DCLRE1C: variants seen among roughly 807,000 people sequenced by gnomAD.
The protein encoded by DCLRE1C is DNA cross-link repair 1C, also known as protein artemis.
A neutral mutation model predicts 61.4 loss-of-function variants in DCLRE1C; 47 were observed. The observed-to-expected ratio is 0.77, with a 90% CI of 0.61 to 0.98. DCLRE1C has a LOEUF of 0.98. DCLRE1C is among the 50% of genes least tolerant of loss of function. The pLI is 0.00. For synonymous variants in DCLRE1C, 337 were observed against 287.6 expected, an observed-to-expected ratio of 1.17 and a Z score of -1.74; for missense variants, 858 against 816.0, an observed-to-expected ratio of 1.05 and a Z score of -0.63.
chr10:14,914,114 G>A (rs1304672398), intron 13 of DCLRE1C, among the ~76,000 whole-genome samples: 1 of 152,036 alleles, frequency 6.6e-6, no homozygotes, highest in Admixed American at 6.6e-5. Context: ...AAAATACCAG[G>A]TTGGCCATAA....
At chr10:14,904,145 A>G (rs1277172069), downstream of DCLRE1C, 2 of 151,922 alleles carry the variant, frequency 1.3e-5, no homozygotes, top group Non-Finnish European at 2.9e-5. Context: ...TCTCTACTGA[A>G]AATACAAAAA....
In DCLRE1C at chr10:14,926,858, G is replaced by T. The variant is rs778381279; in HGVS notation, c.957C>A (p.His319Gln). Residue 319 changes from histidine (H) to glutamine (Q), a missense_variant, in exon 11 of 14, where the codon CAC becomes CAA. Coordinates refer to ENST00000378278, the MANE Select transcript of DCLRE1C (RefSeq NM_001033855.3). ...ATCCTCTTACCTCACTGTAGGAGGA[G>T]TGAAAAGAAAAACAAGCTCTGTATG... ...ESSYRACFSF[H>Q]SSYSEIKDFL... 2.5e-6 allele frequency: 4 copies of T among 1,613,270 alleles called. No homozygotes were observed. In the African/African-American group the frequency reaches 5.3e-5, roughly 22 times the overall value.
chr10:14,952,104 T>C (rs1004266623), intron 1 of DCLRE1C, among the ~76,000 whole-genome samples: 5 of 152,220 alleles, frequency 3.3e-5, no homozygotes, highest in South Asian at 2.1e-4. Flanking sequence ...CACAAACTTA[T>C]GATGATTTCA....
chr10:14,939,929 T>C, intron 3 of DCLRE1C, 60 bp from the exon 4 acceptor site: 1 of 1,329,506 alleles, frequency 7.5e-7, no homozygotes, highest in Non-Finnish European at 1.1e-6. Flanking sequence ...TATATGCCTT[T>C]GCTGTCTGAA....
At chr10:14,937,958 A>G (rs1020532825) in intron 4 of DCLRE1C, among the ~76,000 whole-genome samples, 13 of 151,230 alleles carry the variant, frequency 8.6e-5, no homozygotes, top group Non-Finnish European at 1.8e-4. Context: ...TTCACACTGC[A>G]CATCATACTG....
chr10:14,922,849 A>C, intron 12 of DCLRE1C, 132 bp downstream of exon 12: 1 of 718,644 alleles, frequency 1.4e-6, no homozygotes, highest in Non-Finnish European at 2.5e-6. Flanking sequence ...AAAAATGGAA[A>C]TGAGTATCAG....
At chr10:14,929,027 A>G (rs35714681) in intron 9 of DCLRE1C, among the ~76,000 whole-genome samples, 26,605 of 152,042 alleles carry the variant, frequency 0.17, 2,396 homozygotes, top group Middle Eastern at 0.21. Flanking sequence ...AGATCTGCCC[A>G]CCTTGGCCTC....
At chr10:14,897,636 T>C (rs1833677146) in exon 14 of DCLRE1C, 2 of 905,328 alleles carry the variant, frequency 2.2e-6, no homozygotes, top group East Asian at 3.0e-5. Context: ...TTTGCAGATA[T>C]GTAGAAATTT....
chr10:14,934,809 A>G (rs2130944985), intron 6 of DCLRE1C, 34 bp from the exon 7 acceptor site: 1 of 1,495,666 alleles, frequency 6.7e-7, no homozygotes. Flanking sequence ...TAGCCATCCA[A>G]TGTGATATAA....
chr10:14,936,957 A>G (rs1434589425), intron 4 of DCLRE1C, among the ~76,000 whole-genome samples: 11 of 152,234 alleles, frequency 7.2e-5, no homozygotes, highest in South Asian at 2.1e-4. Flanking sequence ...TAGCCATACA[A>G]TGAAATATTA....
At chr10:14,934,305 G>C in intron 8 of DCLRE1C, 75 bp downstream of exon 8, 11 of 1,574,194 alleles carry the variant, frequency 7.0e-6, no homozygotes, top group Non-Finnish European at 9.4e-6. Context: ...TCCAGCCTGG[G>C]CAACATAGCA....
intron 13 of DCLRE1C, chr10:14,899,318 TAAA>T (rs373363202): frequency 6.5e-6 from 4 of 610,716 alleles, no homozygotes; most frequent in Admixed American, 2.5e-5. Context: ...AGACCCTGTT[TAAA>T]AAAAAAAGGT....
chr10:14,909,607 GAA>G (rs35882715), intron 13 of DCLRE1C, among the ~76,000 whole-genome samples: 17 of 117,858 alleles, frequency 1.4e-4, no homozygotes, highest in Admixed American at 3.4e-4. Context: ...TTCAAAAAAA[GAA>G]AAAAAAAAAA....
At chr10:14,902,299 A>G, downstream of DCLRE1C, 1 of 637,356 alleles carries the variant, frequency 1.6e-6, no homozygotes, top group Non-Finnish European at 2.6e-6. Flanking sequence ...TTGACCATGT[A>G]AGTACCCTCT....
At position 14,919,783 on chromosome 10, in the gene DCLRE1C, GT is replaced by G. The variant is rs1836797698; in HGVS notation, c.1110del (p.Lys370AsnfsTer6). 6.2e-7 allele frequency: 1 copy of G among 1,613,854 alleles called. No individual in the cohort carries two copies. The highest frequency in any genetic ancestry group is 1.3e-5 in the African/African-American group (1 of 74,886). ...RSSQSTEPKY[K>X]PLGKLKRART... Reference sequence around the variant, plus strand: ...CTAGCTCTCTTCAGTTTTCCCAGTGGTTTATACTTTGGCTCCGTACTTTGGG... The same window carrying G: ...CTAGCTCTCTTCAGTTTTCCCAGTGGTTATACTTTGGCTCCGTACTTTGGG... On this transcript the variant is annotated frameshift_variant, in exon 13 of 14. Transcript: ENST00000378278. LOFTEE classifies it low-confidence loss of function (END_TRUNC).
rs532550748 is a variant in DCLRE1C at position 14,945,487 on chromosome 10, G to A, written c.162-298C>T. The A allele has an allele frequency of 2.1e-5, 24 of 1,160,884 alleles. No homozygotes were observed. In the African/African-American group the frequency reaches 2.7e-4, roughly 13 times the overall value. 71.9% of individuals were successfully genotyped at this position (1,160,884 alleles called of 1,614,324 possible). ...GAGCACAAGGTGGGGGTGGAAACAC[G>A]GTGTCCCTGGACCTCCTCCAACAGT... On this transcript the variant is annotated intron_variant, in intron 2 of 13. Coordinates refer to ENST00000378278, the MANE Select transcript of DCLRE1C (RefSeq NM_001033855.3).
At position 14,908,511 on chromosome 10, in the gene DCLRE1C, G is replaced by C. The variant is rs770887781; in HGVS notation, c.1976C>G (p.Ala659Gly). The C allele has an allele frequency of 6.2e-7, 1 of 1,613,970 alleles. No individual in the cohort carries two copies. The highest frequency in any genetic ancestry group is 8.5e-7 in the Non-Finnish European group (1 of 1,179,940). The change falls in exon 14 of 14, where the codon GCT becomes GGT. Residue 659 changes from alanine (A) to glycine (G), a missense_variant. Ala to Gly is a moderately conservative substitution (Grantham distance 60). This residue lies in a region of DCLRE1C where 843 missense variants were observed against 783.5 expected (regional missense o/e 1.08). Coordinates refer to ENST00000378278, the MANE Select transcript of DCLRE1C (RefSeq NM_001033855.3). ...TAAATGCTCTCGTTTAGGTAACTCA[G>C]CTTCTGGAGTTGAGGGAACTTCAAA... Reference protein sequence around the residue: ...SDFEVPSTPEAELPKREHLQY... With the variant: ...SDFEVPSTPEGELPKREHLQY...
At position 14,898,957 on chromosome 10, in the gene DCLRE1C, A is replaced by G. The variant is rs559362123; in HGVS notation, c.*207T>C. Reference sequence around the variant, plus strand: ...ATTCAGTTGTGTCCTGTAGAGAGCTATAGTTGTATAGCTTTTTGAACATCC... The same window carrying G: ...ATTCAGTTGTGTCCTGTAGAGAGCTGTAGTTGTATAGCTTTTTGAACATCC... On this transcript the variant is annotated 3_prime_UTR_variant, in exon 14 of 14. Transcript: ENST00000378289. The G allele has an allele frequency of 4.2e-3, 1,886 of 447,794 alleles. 22 individuals are homozygous for G. Among genetic ancestry groups the G allele is most frequent in the South Asian group, 0.035 (651 of 18,610 alleles). The allele number at this position is 447,794 out of a possible 1,614,324, so 27.7% of individuals were successfully genotyped here. A position where few individuals can be genotyped will look rare whatever the true frequency, so the allele number is the denominator to read the frequency against.
downstream of DCLRE1C, chr10:14,899,731 T>G: frequency 6.3e-7 from 1 of 1,593,082 alleles, no homozygotes. Flanking sequence ...CAATTCAACC[T>G]AGTACTAGTT....
Sources: allele counts gnomAD v4.1 joint callset (sites outside exome capture counted in the v4.1 genomes callset), GRCh38; gene constraint gnomAD v4.1.1; regional missense constraint gnomAD v4.1.1; transcripts MANE v1.5; gene names NCBI Gene and HGNC (gene_info 2026-07-23, HGNC 2026-07-21).